The following KIAA1217 variants were observed in gnomAD, a reference collection of about 807,000 sequenced individuals.
The protein encoded by KIAA1217 is KIAA1217.
In KIAA1217, 88 loss-of-function variants were observed where a neutral mutation model predicts 163.9. The ratio of observed to expected loss-of-function variants is 0.54; its 90% confidence interval spans 0.45 to 0.64. The LOEUF is 0.64. Ranked by LOEUF, KIAA1217 falls within the 30% of genes least tolerant of loss-of-function variation. The pLI, the probability that KIAA1217 is intolerant of heterozygous loss-of-function variation, is 0.00. For missense variants in KIAA1217, 2,372 were observed against 2,475.0 expected, an observed-to-expected ratio of 0.96 and a Z score of 0.88; for synonymous variants, 903 against 923.1, an observed-to-expected ratio of 0.98 and a Z score of 0.39.
chr10:23,840,834 G>A (rs1838742282), intron 1 of KIAA1217, among the ~76,000 whole-genome samples: 5 of 152,096 alleles, frequency 3.3e-5, no homozygotes, highest in South Asian at 4.1e-4. Flanking sequence ...GATAATGATC[G>A]ACTTTCTTCA....
In KIAA1217 at chr10:24,455,068, T is replaced by C. The variant is rs76757719; in HGVS notation, c.846+16589T>C. On this transcript the variant is annotated intron_variant, in intron 5 of 20. Transcript: ENST00000376454. ...TGTTGGCAACCTCGGGCTATAATTATGTTAATCTGACCATTTTAAGACTGA... is the reference window on the plus strand; with the variant it reads ...TGTTGGCAACCTCGGGCTATAATTACGTTAATCTGACCATTTTAAGACTGA... Among the ~76,000 whole-genome samples, 27 of 152,048 alleles carry C rather than the reference T, an allele frequency of 1.8e-4. No homozygotes were observed. In the East Asian group the frequency reaches 5.0e-3, roughly 28 times the overall value.
chr10:23,937,899 G>A (rs1843600470), intron 1 of KIAA1217, among the ~76,000 whole-genome samples: 1 of 152,178 alleles, frequency 6.6e-6, no homozygotes, highest in South Asian at 2.1e-4. Context: ...CCAGGAATCG[G>A]TTTCCAGACT....
intron 5 of KIAA1217, among the ~76,000 whole-genome samples, chr10:24,471,629 T>A (rs974222572): frequency 6.6e-6 from 1 of 151,544 alleles, no homozygotes; most frequent in Admixed American, 6.6e-5. Flanking sequence ...ATGCCTATAA[T>A]CCCAGCACTG....
At chr10:24,063,689 T>G (rs962665919) in intron 2 of KIAA1217, among the ~76,000 whole-genome samples, 15 of 152,204 alleles carry the variant, frequency 9.9e-5, no homozygotes, top group Admixed American at 2.0e-4. Context: ...AAGTCATTGG[T>G]AGCTTGATGG....
chr10:23,703,782 G>C (rs1367939985), intron 1 of KIAA1217, among the ~76,000 whole-genome samples: 14 of 137,716 alleles, frequency 1.0e-4, no homozygotes, highest in Non-Finnish European at 1.5e-5. Flanking sequence ...GTATAGATCA[G>C]GGGGTCAGCA....
intron 2 of KIAA1217, among the ~76,000 whole-genome samples, chr10:24,081,821 C>G (rs1400234249): frequency 6.6e-6 from 1 of 152,174 alleles, no homozygotes; most frequent in Non-Finnish European, 1.5e-5. Flanking sequence ...GAGGGTTAGA[C>G]AAGCTTGGTC....
At chr10:24,430,802 G>C (rs866079008) in intron 3 of KIAA1217, among the ~76,000 whole-genome samples, 8 of 152,186 alleles carry the variant, frequency 5.3e-5, no homozygotes, top group Non-Finnish European at 1.0e-4. Context: ...CGAGCAATGG[G>C]GAGCAGCTGT....
intron 2 of KIAA1217, chr10:24,368,698 C>T (rs1458254438): frequency 1.0e-4 from 20 of 192,708 alleles, no homozygotes; most frequent in Non-Finnish European, 1.9e-4. Context: ...CTCACAAGAC[C>T]AAGATGAAGG....
At chr10:24,049,021 A>G (rs377210278) in intron 2 of KIAA1217, among the ~76,000 whole-genome samples, 8 of 113,918 alleles carry the variant, frequency 7.0e-5, no homozygotes, top group African/African-American at 2.7e-4. Flanking sequence ...ACAGAGTGAT[A>G]CTCTGTCTCA....
At chr10:24,542,666 G>A (rs772395223) in intron 17 of KIAA1217, 27 bp from the exon 18 acceptor site, 1 of 1,607,148 alleles carries the variant, frequency 6.2e-7, no homozygotes, top group Non-Finnish European at 8.5e-7. Context: ...GTTTTGTGGA[G>A]TAACATGTCC....
At chr10:24,208,374 GGTGT>G (rs10539475), upstream of KIAA1217, among the ~76,000 whole-genome samples, 73,288 of 148,774 alleles carry the variant, frequency 0.49, 18,321 homozygotes, top group African/African-American at 0.62. Context: ...TTAAGGGCTG[GGTGT>G]GTGTGTGTGT....
intron 5 of KIAA1217, among the ~76,000 whole-genome samples, chr10:24,467,080 T>A (rs1351738152): frequency 6.6e-6 from 1 of 152,206 alleles, no homozygotes; most frequent in Non-Finnish European, 1.5e-5. Flanking sequence ...TTTAATATGT[T>A]GTTTCTTATC....
At chr10:23,753,857 A>G (rs1296694014) in intron 1 of KIAA1217, among the ~76,000 whole-genome samples, 3 of 152,204 alleles carry the variant, frequency 2.0e-5, no homozygotes, top group African/African-American at 7.2e-5. Context: ...ATAGATCTTA[A>G]AACTTTGATT....
intron 1 of KIAA1217, among the ~76,000 whole-genome samples, chr10:23,852,139 T>A (rs564359018): frequency 6.6e-6 from 1 of 152,304 alleles, no homozygotes; most frequent in African/African-American, 2.4e-5. Context: ...AGGGTTTTTA[T>A]GGTTTTAGGT....
intron 1 of KIAA1217, among the ~76,000 whole-genome samples, chr10:24,211,544 TG>T (rs879657289): frequency 0.36 from 29,913 of 84,074 alleles, 3,729 homozygotes; most frequent in South Asian, 0.5. Flanking sequence ...TGTATTGTAT[TG>T]TATTGTATTG....
chr10:23,707,111 A>G (rs138716841), intron 1 of KIAA1217, among the ~76,000 whole-genome samples: 39 of 152,318 alleles, frequency 2.6e-4, no homozygotes, highest in African/African-American at 9.1e-4. Flanking sequence ...ATGAGAACAT[A>G]TAGGTTAAAG....
intron 2 of KIAA1217, among the ~76,000 whole-genome samples, chr10:24,118,671 T>C (rs979183347): frequency 6.6e-6 from 1 of 151,992 alleles, no homozygotes; most frequent in Admixed American, 6.6e-5. Context: ...TTGGAGAGGA[T>C]TTATTTTTCT....
chr10:24,019,697 T>C (rs1183574633), intron 2 of KIAA1217, among the ~76,000 whole-genome samples: 1 of 152,036 alleles, frequency 6.6e-6, no homozygotes, highest in Non-Finnish European at 1.5e-5. Context: ...GAAGATTTTA[T>C]TTCTACAATG....
intron 1 of KIAA1217, among the ~76,000 whole-genome samples, chr10:23,717,032 A>G (rs1837614396): frequency 6.6e-6 from 1 of 152,168 alleles, no homozygotes; most frequent in African/African-American, 2.4e-5. Context: ...AATCCATGTT[A>G]AACAACTAAC....
Sources: allele counts gnomAD v4.1 joint callset (sites outside exome capture counted in the v4.1 genomes callset), GRCh38; gene constraint gnomAD v4.1.1; transcripts MANE v1.5; gene names NCBI Gene and HGNC (gene_info 2026-07-23, HGNC 2026-07-21).